Variants in PDE4A observed in about 807,000 individuals in gnomAD.
PDE4A encodes the protein 3',5'-cyclic-AMP phosphodiesterase 4A.
PDE4A carries 21 observed loss-of-function variants against 73.9 expected under a neutral mutation model. That is an observed-to-expected ratio of 0.28 (90% CI 0.20 to 0.41). The LOEUF (loss-of-function observed/expected upper bound fraction) is 0.41. PDE4A is among the 10% of genes least tolerant of loss of function. The pLI, the probability that PDE4A is intolerant of heterozygous loss-of-function variation, is 1.00. For missense variants in PDE4A, 958 were observed against 1,211.4 expected (o/e 0.79, Z 3.10); for synonymous variants, 463 against 505.4 (o/e 0.92, Z 1.13).
intron 13 of PDE4A, 54 bp downstream of exon 13, chr19:10,462,053 T>G: frequency 6.7e-7 from 1 of 1,498,802 alleles, no homozygotes; most frequent in Admixed American, 1.8e-5. Flanking sequence ...AGCCACACCT[T>G]TAGGTCTGGG....
intron 1 of PDE4A, chr19:10,430,838 CGCGGCCATGGCGCGGCCGCGCG>C (rs2042777957): frequency 8.6e-7 from 1 of 1,158,374 alleles, no homozygotes. Flanking sequence ...GGGGCCGCCC[CGCGGCCATGGCGCGGCCGCGCG>C]GCCTAGGCCG....
At chr19:10,439,255 C>A (rs1272780817) in intron 1 of PDE4A, among the ~76,000 whole-genome samples, 5 of 149,752 alleles carry the variant, frequency 3.3e-5, no homozygotes, top group Admixed American at 3.3e-4. Context: ...GATCTCGGTT[C>A]ACTGCAACCT....
chr19:10,439,758 C>T (rs1372630287), intron 1 of PDE4A, among the ~76,000 whole-genome samples: 1 of 152,062 alleles, frequency 6.6e-6, no homozygotes, highest in Non-Finnish European at 1.5e-5. Context: ...ACAGTCCCTT[C>T]TCTTGGAGTG....
chr19:10,453,202 C>A lies in PDE4A; in HGVS notation c.784-1627C>A. 1.3e-6 allele frequency: 2 copies of A among 1,544,568 alleles called. No homozygotes were observed. Among genetic ancestry groups the A allele is most frequent in the Non-Finnish European group, 1.7e-6 (2 of 1,144,150 alleles). The stretch of plus-strand genomic sequence containing the variant: ...GCACCCCCTCCCCAGTGGTTGTTAA[C>A]CCCGGGACTCCCCAAGCCCAGCCTC... On this transcript the variant is annotated intron_variant, in intron 6 of 14. Transcript: ENST00000380702. The surrounding 1 kb of genome is among the most constrained non-coding windows in gnomAD (Gnocchi z 4.6).
chr19:10,442,283 G>A (rs2042948807), intron 1 of PDE4A, among the ~76,000 whole-genome samples: 1 of 152,096 alleles, frequency 6.6e-6, no homozygotes, highest in African/African-American at 2.4e-5. Flanking sequence ...CAGCACTTTG[G>A]GAGGCTGAGG....
chr19:10,439,298 C>T (rs978869829), intron 1 of PDE4A, among the ~76,000 whole-genome samples: 1 of 151,924 alleles, frequency 6.6e-6, no homozygotes, highest in Non-Finnish European at 1.5e-5. Flanking sequence ...TATCTGGCTG[C>T]AGCCTCCCGA....
chr19:10,458,065 T>A lies in PDE4A; in HGVS notation c.1064T>A (p.Phe355Tyr), dbSNP rs2043200623. 1 of 1,613,738 alleles carries A rather than the reference T, an allele frequency of 6.2e-7. No individual in the cohort carries two copies. Among genetic ancestry groups the A allele is most frequent in the South Asian group, 1.1e-5 (1 of 91,062 alleles). ...NSLNNSNIPR[F>Y]GVKTDQEELL... is the part of the protein sequence containing the mutation. ...CTGAACAACTCTAACATTCCCCGAT[T>A]TGGGGTGAAGACCGATCAAGAAGAG... Residue 355 changes from phenylalanine to tyrosine, a missense_variant, in exon 8 of 15, where the codon TTT becomes TAT. Phe to Tyr is a conservative substitution (Grantham distance 22). Around this residue, in one of 3 missense-constraint regions of PDE4A, gnomAD observed 570 missense variants for 827.7 expected, o/e 0.69. Transcript: ENST00000380702. This position sits in a 1 kb window ranked among gnomAD's most constrained non-coding sequence, Gnocchi z 4.6.
intron 2 of PDE4A, 54 bp downstream of exon 2, chr19:10,446,463 G>C: frequency 6.4e-7 from 1 of 1,570,140 alleles, no homozygotes; most frequent in Non-Finnish European, 8.7e-7. Context: ...CCTGCTGGAA[G>C]CTGCCCTTCC....
chr19:10,417,584 T>C (rs2042600071), upstream of PDE4A: 2 of 1,497,512 alleles, frequency 1.3e-6, no homozygotes, highest in Admixed American at 2.1e-5. Flanking sequence ...GACAGCTAGG[T>C]AGGGGTGTTC....
Position 10,461,869 on chromosome 19 carries a change from G to T in PDE4A, c.1621-8G>T, listed in dbSNP as rs201779360. 7.4e-6 allele frequency: 12 copies of T among 1,611,786 alleles called. No homozygotes were observed. Among genetic ancestry groups the T allele is most frequent in the Non-Finnish European group, 1.0e-5 (12 of 1,178,976 alleles). ...TCAGCGGCCCCAGTGACGCCCCCTT[G>T]CCCGCAGGTGCTGGCCACGGACATG... On this transcript the variant is annotated splice_polypyrimidine_tract_variant and splice_region_variant and intron_variant, in intron 12 of 14. Coordinates refer to ENST00000380702, the MANE Select transcript of PDE4A (RefSeq NM_001111307.2).
intron 1 of PDE4A, among the ~76,000 whole-genome samples, chr19:10,434,377 T>G (rs1174790800): frequency 6.6e-6 from 1 of 151,810 alleles, no homozygotes; most frequent in Non-Finnish European, 1.5e-5. Context: ...AGCTAATTTT[T>G]TTGTATTTTT....
chr19:10,466,056 G>A lies in PDE4A; in HGVS notation c.1927-831G>A, dbSNP rs546393148. ...CTCGCTCTGATGCCTAGGCTGGAGT[G>A]CAATGGCACAATCTCGGCTCACTGC... On this transcript the variant is annotated intron_variant, in intron 14 of 14. Transcript: ENST00000380702. Among the ~76,000 whole-genome samples, 758 of 149,138 alleles carry A rather than the reference G, an allele frequency of 5.1e-3. 4 individuals carry two copies. Among genetic ancestry groups the A allele is most frequent in the African/African-American group, 0.018 (730 of 40,490 alleles).
At chr19:10,460,653 C>T (rs1395188400) in intron 10 of PDE4A, among the ~76,000 whole-genome samples, 1 of 151,750 alleles carries the variant, frequency 6.6e-6, no homozygotes, top group Non-Finnish European at 1.5e-5. Context: ...TAAAAATTAG[C>T]CGGGCGTGGT....
intron 1 of PDE4A, among the ~76,000 whole-genome samples, chr19:10,440,889 C>T (rs1247455084): frequency 3.3e-5 from 5 of 150,262 alleles, no homozygotes; most frequent in African/African-American, 9.9e-5. Flanking sequence ...TGAGCCACCA[C>T]GCCCAGCCAA....
At chr19:10,430,420 G>T (rs2042771886) in intron 1 of PDE4A, among the ~76,000 whole-genome samples, 1 of 152,046 alleles carries the variant, frequency 6.6e-6, no homozygotes, top group Non-Finnish European at 1.5e-5. Context: ...GATTTGGGGG[G>T]GTACCCCTGG....
chr19:10,466,677 A>C, intron 14 of PDE4A: 3 of 213,148 alleles, frequency 1.4e-5, no homozygotes, highest in Non-Finnish European at 2.4e-5. Context: ...TATTTTTGGT[A>C]GAGATGCGGT....
chr19:10,420,912 G>T lies in PDE4A; in HGVS notation c.148G>T (p.Asp50Tyr). Residue 50 changes from aspartate to tyrosine, a missense_variant, in exon 1 of 15, where the codon GAC becomes TAC. This residue lies in a region of PDE4A where 145 missense variants were observed against 137.8 expected (regional missense o/e 1.05). Transcript: ENST00000380702. The surrounding 1 kb of genome is among the most constrained non-coding windows in gnomAD (Gnocchi z 6.0). The stretch of plus-strand genomic sequence containing the variant: ...CCGTATCCAGCAGCGCGGCTACTCC[G>T]ACAGCGCGGAGCGCGCCGAGCGGGA... Reference protein sequence around the residue: ...PIRIQQRGYSDSAERAERERQ... With the variant: ...PIRIQQRGYSYSAERAERERQ... 6.3e-7 allele frequency: 1 copy of T among 1,584,850 alleles called. No individual in the cohort carries two copies.
intron 1 of PDE4A, among the ~76,000 whole-genome samples, chr19:10,441,918 G>A (rs563834461): frequency 5.3e-5 from 8 of 151,734 alleles, no homozygotes; most frequent in East Asian, 2.0e-4. Flanking sequence ...TCGAACTCCC[G>A]ACCTCAGGTG....
chr19:10,417,649 T>C (rs779571001), upstream of PDE4A: 2 of 1,586,438 alleles, frequency 1.3e-6, no homozygotes, highest in South Asian at 2.2e-5. Context: ...TTCCACTTTG[T>C]CCCTCCCCAG....
Sources: allele counts gnomAD v4.1 joint callset (sites outside exome capture counted in the v4.1 genomes callset), GRCh38; gene constraint gnomAD v4.1.1; regional missense constraint gnomAD v4.1.1; non-coding constraint Gnocchi (gnomAD v3.1); transcripts MANE v1.5; gene names NCBI Gene and HGNC (gene_info 2026-07-23, HGNC 2026-07-21).